Variants in ASMTL observed in about 807,000 individuals in gnomAD.
The protein encoded by ASMTL is probable bifunctional dTTP/UTP pyrophosphatase/methyltransferase protein.
In ASMTL, 57 loss-of-function variants were observed where a neutral mutation model predicts 60.3. That is an observed-to-expected ratio of 0.95 (90% CI 0.76 to 1.18). ASMTL has a LOEUF of 1.18. Among genes scored for constraint, ASMTL ranks in the 50% most tolerant of loss-of-function variants. The pLI is 0.00. For synonymous variants in ASMTL, 419 were observed against 373.0 expected (o/e 1.12, Z -1.42); for missense variants, 981 against 852.6 (o/e 1.15, Z -1.88).
intron 1 of ASMTL, among the ~76,000 whole-genome samples, chrX:1,443,326 C>CAGACGCCGCCATCGTGG (rs2091156018): frequency 6.3e-5 from 3 of 47,776 alleles, no homozygotes; most frequent in African/African-American, 1.2e-4. Flanking sequence ...CCATCTTGGA[C>CAGACGCCGCCATCGTGG]ACACACCGCC....
rs1176699595 is a variant in ASMTL, at chrX:1,425,573, G to C, written c.1012C>G (p.Leu338Val). 3.1e-6 allele frequency: 5 copies of C among 1,613,570 alleles called. No individual in the cohort carries two copies. The highest frequency in any genetic ancestry group is 4.2e-6 in the Non-Finnish European group (5 of 1,179,836). Residue 338 changes from leucine (L) to valine (V), a missense_variant, in exon 8 of 13, where the codon CTT (leucine) becomes GTT (valine). Leu to Val is a conservative substitution (Grantham distance 32, BLOSUM62 1). Coordinates refer to ENST00000381317, the MANE Select transcript of ASMTL (RefSeq NM_004192.4). ...CCCATGGCAGCACAGATGTCCAGAA[G>C]CCTCTCCATTCCACACGCAGAGGCG... ...VDASACGMERLLDICAAMGLL... is the reference protein window; with the variant it reads ...VDASACGMERVLDICAAMGLL...
At chrX:1,447,344 T>C (rs1357687223) in intron 1 of ASMTL, among the ~76,000 whole-genome samples, 3 of 151,666 alleles carry the variant, frequency 2.0e-5, no homozygotes, top group African/African-American at 4.9e-5. Context: ...AGCACCACCA[T>C]CTTGGACACA....
At chrX:1,430,858 TTATA>T (rs1368578983) in intron 6 of ASMTL, among the ~76,000 whole-genome samples, 1 of 143,782 alleles carries the variant, frequency 7.0e-6, no homozygotes, top group African/African-American at 2.5e-5. Flanking sequence ...ATTTATATAT[TTATA>T]TACTTTTATA....
At chrX:1,432,406 G>C in intron 5 of ASMTL, 29 bp from the exon 6 acceptor site, 1 of 1,573,952 alleles carries the variant, frequency 6.4e-7, no homozygotes, top group Non-Finnish European at 8.7e-7. Context: ...GGGGGTGAGC[G>C]TGGACGCCAG....
rs748539705 is a variant in ASMTL at position 1,421,017 on chromosome X, T to C, written c.1245+641A>G. Among the ~76,000 whole-genome samples, 391 of 150,658 alleles carry C rather than the reference T, an allele frequency of 2.6e-3. 6 individuals carry two copies. The highest frequency in any genetic ancestry group is 9.2e-3 in the African/African-American group (376 of 40,762). ...CTCTGTCACCCAGGCTGGAGGGCAG[T>C]GGCGTGATCTCAGCTCACTGCAACC... On this transcript the variant is annotated intron_variant, in intron 9 of 12. Coordinates refer to ENST00000381317, the MANE Select transcript of ASMTL (RefSeq NM_004192.4).
intron 1 of ASMTL, among the ~76,000 whole-genome samples, chrX:1,447,464 A>G (rs55711931): frequency 0.042 from 6,296 of 151,696 alleles, 362 homozygotes; most frequent in African/African-American, 0.15. Context: ...TTGGACACAC[A>G]CGGCCATGTT....
chrX:1,445,218 A>G (rs1419151360), intron 1 of ASMTL, among the ~76,000 whole-genome samples: 1 of 152,118 alleles, frequency 6.6e-6, no homozygotes, highest in Non-Finnish European at 1.5e-5. Context: ...GTATCTTCTC[A>G]GCTTGGCCGT....
intron 5 of ASMTL, among the ~76,000 whole-genome samples, chrX:1,433,341 C>T (rs1396820655): frequency 2.0e-5 from 3 of 151,406 alleles, no homozygotes; most frequent in South Asian, 2.1e-4. Flanking sequence ...TCCCCAGTGG[C>T]GGATGATGTC....
At chrX:1,419,918 C>G (rs1419700868) in intron 9 of ASMTL, among the ~76,000 whole-genome samples, 1 of 139,174 alleles carries the variant, frequency 7.2e-6, no homozygotes, top group Non-Finnish European at 1.5e-5. Flanking sequence ...CTCTCTCTGA[C>G]TCTTTCTCCC....
chrX:1,422,273 T>C (rs28665290), intron 8 of ASMTL, among the ~76,000 whole-genome samples: 101,226 of 151,554 alleles, frequency 0.67, 34,816 homozygotes, highest in South Asian at 0.87. Context: ...AAAATGTGCA[T>C]TGGCCTCATC....
intron 5 of ASMTL, among the ~76,000 whole-genome samples, chrX:1,433,402 A>C (rs1280796156): frequency 6.8e-6 from 1 of 148,128 alleles, no homozygotes; most frequent in Non-Finnish European, 1.5e-5. Flanking sequence ...GCGGTGGCTC[A>C]CGCCTGTCAT....
chrX:1,418,668 C>G (rs1356685046), intron 10 of ASMTL, among the ~76,000 whole-genome samples: 1 of 152,092 alleles, frequency 6.6e-6, no homozygotes, highest in Admixed American at 6.6e-5. Flanking sequence ...CTGTCCAGGG[C>G]TGGGGTGGGG....
At chrX:1,430,869 T>C (rs2090752688) in intron 6 of ASMTL, among the ~76,000 whole-genome samples, 1 of 141,630 alleles carries the variant, frequency 7.1e-6, no homozygotes, top group African/African-American at 2.6e-5. Flanking sequence ...TATATACTTT[T>C]ATAATATAAA....
intron 11 of ASMTL, among the ~76,000 whole-genome samples, chrX:1,416,578 G>C (rs2090279345): frequency 1.0e-5 from 1 of 97,592 alleles, no homozygotes; most frequent in Admixed American, 1.1e-4. Context: ...CACAGACGCA[G>C]ACACACAGAC....
At chrX:1,446,645 G>A (rs183362686) in intron 1 of ASMTL, among the ~76,000 whole-genome samples, 6,391 of 151,876 alleles carry the variant, frequency 0.042, 424 homozygotes, top group African/African-American at 0.15. Flanking sequence ...GACTGCAGGC[G>A]CCCGCCACCA....
At chrX:1,434,984 G>A (rs768751883) in intron 5 of ASMTL, 38 bp downstream of exon 5, 42 of 1,611,914 alleles carry the variant, frequency 2.6e-5, no homozygotes, top group Middle Eastern at 1.8e-4. Context: ...TCCTTGTCTC[G>A]GCCTCTGGGG....
At position 1,418,074 on chromosome X, in the gene ASMTL, G is replaced by T; in HGVS notation, c.1421C>A (p.Pro474His). ...GTCAAACACAGTCACCTGCATACGAGGGTACTCACGGGCCAGCTCTCGGGC... is the reference window on the plus strand; with the variant it reads ...GTCAAACACAGTCACCTGCATACGATGGTACTCACGGGCCAGCTCTCGGGC... ...ALARELAREY[P>H]RMQVTVFDLP... Residue 474 changes from proline to histidine, a missense_variant, in exon 11 of 13, where the codon CCT becomes CAT. By Grantham distance (77) the Pro-to-His change is moderately conservative. Transcript: ENST00000381317. 1 of 1,612,574 alleles carries T rather than the reference G, an allele frequency of 6.2e-7. No individual in the cohort carries two copies. The highest frequency in any genetic ancestry group is 8.5e-7 in the Non-Finnish European group (1 of 1,178,924).
intron 6 of ASMTL, 197 bp downstream of exon 6, chrX:1,432,072 G>C: frequency 1.7e-6 from 1 of 604,678 alleles, no homozygotes; most frequent in East Asian, 2.8e-5. Context: ...TGTCCTGGGA[G>C]TTTGCCTCTT....
At chrX:1,414,063 G>A (rs1476643194) in intron 11 of ASMTL, 1 of 148,912 alleles carries the variant, frequency 6.7e-6, no homozygotes, top group Admixed American at 6.8e-5. Flanking sequence ...GAGTAGGGTG[G>A]GCCCTAAATG....
Sources: allele counts gnomAD v4.1 joint callset (sites outside exome capture counted in the v4.1 genomes callset), GRCh38; gene constraint gnomAD v4.1.1; transcripts MANE v1.5; gene names NCBI Gene and HGNC (gene_info 2026-07-23, HGNC 2026-07-21).